Variants in NRG3 observed in about 807,000 individuals in gnomAD.
NRG3 encodes pro-neuregulin-3, membrane-bound isoform.
Under a neutral mutation model 66.9 loss-of-function variants are expected in NRG3, and 31 were observed. The observed-to-expected ratio is 0.46, with a 90% CI of 0.35 to 0.63. The LOEUF (loss-of-function observed/expected upper bound fraction) is 0.63, where lower values mean the gene tolerates loss of function less well. Ranked by LOEUF, NRG3 falls within the 20% of genes least tolerant of loss-of-function variation. NRG3 has a pLI of 0.00. For synonymous variants in NRG3, 393 were observed against 359.4 expected (o/e 1.09, Z -1.06); for missense variants, 910 against 878.9 (o/e 1.04, Z -0.45).
At chr10:82,464,108 T>G (rs1207352860) in intron 2 of NRG3, among the ~76,000 whole-genome samples, 1 of 152,202 alleles carries the variant, frequency 6.6e-6, no homozygotes, top group African/African-American at 2.4e-5. Context: ...AGTTCCATTT[T>G]ACAGATCAGA....
At chr10:82,234,095 T>C (rs1353875782) in intron 1 of NRG3, among the ~76,000 whole-genome samples, 1 of 152,206 alleles carries the variant, frequency 6.6e-6, no homozygotes, top group Non-Finnish European at 1.5e-5. Context: ...CTCATTGATT[T>C]CTAGCTGTAT....
intron 2 of NRG3, among the ~76,000 whole-genome samples, chr10:82,433,931 G>T (rs143298977): frequency 6.6e-6 from 1 of 152,150 alleles, no homozygotes; most frequent in African/African-American, 2.4e-5. Context: ...TGGCTATACA[G>T]GGTCTTCTTT....
intron 3 of NRG3, among the ~76,000 whole-genome samples, chr10:82,807,282 C>T (rs972941030): frequency 1.3e-5 from 2 of 152,182 alleles, no homozygotes; most frequent in Non-Finnish European, 2.9e-5. Flanking sequence ...GTTTTCATTA[C>T]ACTTGAAATA....
In NRG3 at chr10:82,952,425, C is replaced by A. The variant is rs1452162133; in HGVS notation, c.1157+854C>A. 3.1e-4 allele frequency among the ~76,000 whole-genome samples: 32 copies of A among 104,564 alleles called. No homozygotes were observed. In the East Asian group the frequency reaches 3.4e-3, roughly 11 times the overall value. 68.6% of individuals were successfully genotyped at this position (104,564 alleles called of 152,430 possible). ...TGCAGCCTCGGGGACAGAGTTGTCTCAAAAAAAAAAAAAAAGTAGATATAA... is the reference window on the plus strand; with the variant it reads ...TGCAGCCTCGGGGACAGAGTTGTCTAAAAAAAAAAAAAAAAGTAGATATAA... On this transcript the variant is annotated intron_variant, in intron 5 of 8. Coordinates refer to ENST00000372141, the MANE Select transcript of NRG3 (RefSeq NM_001010848.4).
At chr10:82,025,509 A>G (rs1050460471) in intron 1 of NRG3, among the ~76,000 whole-genome samples, 15 of 152,080 alleles carry the variant, frequency 9.9e-5, no homozygotes, top group South Asian at 2.1e-4. Context: ...TAATAGAGAA[A>G]TGCTGGTCAA....
chr10:81,964,321 G>T (rs1367453058), intron 1 of NRG3, among the ~76,000 whole-genome samples: 3 of 147,968 alleles, frequency 2.0e-5, no homozygotes, highest in Non-Finnish European at 4.4e-5. Context: ...ACTTGAACCC[G>T]GGAGGCGGAG....
intron 3 of NRG3, among the ~76,000 whole-genome samples, chr10:82,847,218 C>G (rs1440261425): frequency 6.6e-6 from 1 of 152,176 alleles, no homozygotes; most frequent in South Asian, 2.1e-4. Context: ...TTTCTGAAAG[C>G]CCCATTTGGA....
chr10:82,117,316 C>A (rs1473957347), intron 1 of NRG3, among the ~76,000 whole-genome samples: 1 of 152,144 alleles, frequency 6.6e-6, no homozygotes, highest in Non-Finnish European at 1.5e-5. Context: ...CAATCCAACT[C>A]ATCTTTCCTG....
intron 2 of NRG3, among the ~76,000 whole-genome samples, chr10:82,466,685 G>A (rs1357098806): frequency 6.6e-6 from 1 of 152,116 alleles, no homozygotes; most frequent in Non-Finnish European, 1.5e-5. Flanking sequence ...TAAGGACACA[G>A]CATTAACGGT....
In NRG3 at chr10:82,522,285, T is replaced by C. The variant is rs541296726; in HGVS notation, c.953+163417T>C. Among the ~76,000 whole-genome samples the C allele has an allele frequency of 8.5e-5, 13 of 152,180 alleles. No homozygotes were observed. The South Asian group carries it at 2.1e-3, about 24-fold the overall frequency. ...GTCTTGGGCTCCTGACCTCAGGTGA[T>C]CCGCCTGCCCCAGCCTCTGAAAGTG... On this transcript the variant is annotated intron_variant, in intron 2 of 8. Coordinates refer to ENST00000372141, the MANE Select transcript of NRG3 (RefSeq NM_001010848.4).
intron 3 of NRG3, among the ~76,000 whole-genome samples, chr10:82,794,530 A>G (rs1229978939): frequency 6.6e-6 from 1 of 152,168 alleles, no homozygotes; most frequent in Non-Finnish European, 1.5e-5. Context: ...ATTTGTTTAC[A>G]CTGTTTACTC....
chr10:82,804,073 A>T (rs1463303298), intron 3 of NRG3, among the ~76,000 whole-genome samples: 1 of 152,130 alleles, frequency 6.6e-6, no homozygotes, highest in East Asian at 1.9e-4. Flanking sequence ...CACTTATCAG[A>T]TCAACCATCA....
intron 2 of NRG3, among the ~76,000 whole-genome samples, chr10:82,715,157 G>C (rs2056898970): frequency 6.6e-6 from 1 of 152,138 alleles, no homozygotes; most frequent in Non-Finnish European, 1.5e-5. Context: ...CAATTTGGGA[G>C]ACTGCAGTAG....
chr10:82,681,842 G>A (rs1028969212), intron 2 of NRG3, among the ~76,000 whole-genome samples: 2 of 152,176 alleles, frequency 1.3e-5, no homozygotes, highest in Non-Finnish European at 2.9e-5. Flanking sequence ...CCACCTTTTG[G>A]AGGAGAACAC....
intron 2 of NRG3, among the ~76,000 whole-genome samples, chr10:82,447,368 G>A (rs536993625): frequency 2.0e-5 from 3 of 152,090 alleles, no homozygotes; most frequent in Non-Finnish European, 4.4e-5. Flanking sequence ...AGGATCTCTT[G>A]AGTCCAGGAG....
chr10:82,815,255 G>A (rs999817399), intron 3 of NRG3, among the ~76,000 whole-genome samples: 10 of 152,234 alleles, frequency 6.6e-5, no homozygotes, highest in Non-Finnish European at 2.9e-5. Context: ...TTCTGTTCCA[G>A]TTAAACTCAG....
At chr10:82,933,352 T>C (rs1282937896) in intron 4 of NRG3, among the ~76,000 whole-genome samples, 1 of 152,152 alleles carries the variant, frequency 6.6e-6, no homozygotes, top group Non-Finnish European at 1.5e-5. Context: ...AGAAGTATGG[T>C]TGTACCTCTG....
intron 2 of NRG3, among the ~76,000 whole-genome samples, chr10:82,655,360 A>G (rs919165569): frequency 6.6e-6 from 1 of 152,158 alleles, no homozygotes; most frequent in Admixed American, 6.5e-5. Flanking sequence ...CTTAAAACTG[A>G]AAATCAAAGG....
chr10:82,606,849 A>AC (rs1037653506), intron 2 of NRG3, among the ~76,000 whole-genome samples: 2 of 151,600 alleles, frequency 1.3e-5, no homozygotes, highest in Non-Finnish European at 2.9e-5. Flanking sequence ...CAATCTGAAA[A>AC]CCCCCACCAA....
Sources: allele counts gnomAD v4.1 joint callset (sites outside exome capture counted in the v4.1 genomes callset), GRCh38; gene constraint gnomAD v4.1.1; transcripts MANE v1.5; gene names NCBI Gene and HGNC (gene_info 2026-07-23, HGNC 2026-07-21).